The following FRMD5 variants were observed in gnomAD, a reference collection of about 807,000 sequenced individuals.
FRMD5 encodes FERM domain-containing protein 5.
A neutral mutation model predicts 69.0 loss-of-function variants in FRMD5; 20 were observed. The ratio of observed to expected loss-of-function variants is 0.29; its 90% confidence interval spans 0.20 to 0.42. The LOEUF is 0.42. Among genes scored for constraint, FRMD5 ranks in the 10% least tolerant of loss-of-function variants. The pLI, the probability that FRMD5 is intolerant of heterozygous loss-of-function variation, is 1.00. For synonymous variants in FRMD5, 271 were observed against 260.1 expected (o/e 1.04, Z -0.40); for missense variants, 595 against 708.6 (o/e 0.84, Z 1.82).
intron 1 of FRMD5, among the ~76,000 whole-genome samples, chr15:43,944,056 G>C (rs906532622): frequency 1.3e-5 from 2 of 152,122 alleles, no homozygotes; most frequent in Non-Finnish European, 2.9e-5. Flanking sequence ...ATATCCCATC[G>C]GCCACTGCCT....
At chr15:44,076,517 G>A (rs1026951134) in intron 1 of FRMD5, among the ~76,000 whole-genome samples, 10 of 150,114 alleles carry the variant, frequency 6.7e-5, no homozygotes, top group South Asian at 2.1e-4. Context: ...GTAAACTATC[G>A]CAAGAACAAA....
chr15:43,878,400 C>T (rs1254713670), intron 13 of FRMD5, among the ~76,000 whole-genome samples: 1 of 152,200 alleles, frequency 6.6e-6, no homozygotes, highest in Non-Finnish European at 1.5e-5. Context: ...AAATCAACAG[C>T]CAGCATCTAC....
intron 4 of FRMD5, 24 bp from the exon 5 acceptor site, chr15:43,910,003 C>A: frequency 7.5e-7 from 1 of 1,328,036 alleles, no homozygotes; most frequent in Non-Finnish European, 1.1e-6. Flanking sequence ...AGAGAATAAA[C>A]TATAAAGGAT....
chr15:44,047,433 T>C (rs895980901), intron 1 of FRMD5, among the ~76,000 whole-genome samples: 1 of 152,216 alleles, frequency 6.6e-6, no homozygotes, highest in Non-Finnish European at 1.5e-5. Context: ...TGATTTGTCC[T>C]TTAGCTTAAT....
intron 1 of FRMD5, among the ~76,000 whole-genome samples, chr15:43,996,778 A>T (rs1231255897): frequency 7.7e-6 from 1 of 129,902 alleles, no homozygotes; most frequent in Non-Finnish European, 1.5e-5. Flanking sequence ...TTTGCTGCTC[A>T]AAGTGTTCTG....
chr15:44,132,051 G>T (rs190515849), intron 1 of FRMD5, among the ~76,000 whole-genome samples: 1 of 152,260 alleles, frequency 6.6e-6, no homozygotes, highest in Non-Finnish European at 1.5e-5. Flanking sequence ...CCATCTGGGG[G>T]TAATGGGAGA....
chr15:43,966,994 A>C (rs1159114146), intron 1 of FRMD5, among the ~76,000 whole-genome samples: 1 of 152,088 alleles, frequency 6.6e-6, no homozygotes, highest in African/African-American at 2.4e-5. Flanking sequence ...GAAAAGGAAG[A>C]TATTTCAGTT....
intron 1 of FRMD5, among the ~76,000 whole-genome samples, chr15:44,138,665 A>G (rs1421363747): frequency 6.6e-6 from 1 of 152,238 alleles, no homozygotes; most frequent in Non-Finnish European, 1.5e-5. Flanking sequence ...TTCAGAAAGA[A>G]GAGCCCAAAG....
At position 44,056,878 on chromosome 15, in the gene FRMD5, G is replaced by A. The variant is rs532093935; in HGVS notation, c.103-132569C>T. 2.2e-4 allele frequency among the ~76,000 whole-genome samples: 34 copies of A among 152,270 alleles called. No homozygotes were observed. In the South Asian group the frequency reaches 6.8e-3, roughly 31 times the overall value. ...CTGAGGACAACCAGGGACATTGCAG[G>A]AGGGAGGAGGAAATCTTCCCTGTTG... On this transcript the variant is annotated intron_variant, in intron 1 of 13. Coordinates refer to ENST00000417257, the MANE Select transcript of FRMD5 (RefSeq NM_032892.5).
At chr15:44,169,744 T>C (rs1566982746) in intron 1 of FRMD5, among the ~76,000 whole-genome samples, 1 of 152,190 alleles carries the variant, frequency 6.6e-6, no homozygotes, top group South Asian at 2.1e-4. Flanking sequence ...ATGATAGCTA[T>C]TTATATATAA....
chr15:44,043,175 T>C (rs566706536), intron 1 of FRMD5, among the ~76,000 whole-genome samples: 15 of 152,324 alleles, frequency 9.8e-5, no homozygotes, highest in African/African-American at 3.6e-4. Context: ...CCATTCACTA[T>C]TGCTACAAAG....
At chr15:43,906,094 G>A in intron 5 of FRMD5, 143 bp from the exon 6 acceptor site, 1 of 1,060,078 alleles carries the variant, frequency 9.4e-7, no homozygotes, top group Non-Finnish European at 1.4e-6. Context: ...ACGGCTGTGG[G>A]CTGGGCAGAG....
intron 1 of FRMD5, among the ~76,000 whole-genome samples, chr15:44,192,317 C>T (rs1396705172): frequency 1.3e-5 from 2 of 152,120 alleles, no homozygotes; most frequent in African/African-American, 4.8e-5. Flanking sequence ...ATGACTCCAA[C>T]CCAGTGATAC....
At chr15:44,198,353 A>G (rs577388158), upstream of FRMD5, among the ~76,000 whole-genome samples, 13 of 151,422 alleles carry the variant, frequency 8.6e-5, no homozygotes, top group Non-Finnish European at 1.5e-4. Context: ...AGGAATTAAA[A>G]AAAATCACAT....
rs1216816255 is a variant in FRMD5 at position 43,940,519 on chromosome 15, C to A, written c.103-16210G>T. Among the ~76,000 whole-genome samples, 4 of 152,212 alleles carry A rather than the reference C, an allele frequency of 2.6e-5. No homozygotes were observed. In the East Asian group the frequency reaches 7.7e-4, roughly 29 times the overall value. ...CAGGGGTAGTTTGGTGGGAGTGAGA[C>A]CATCATGTCTAGAGCATGTTCTAGG... On this transcript the variant is annotated intron_variant, in intron 1 of 13. Coordinates refer to ENST00000417257, the MANE Select transcript of FRMD5 (RefSeq NM_032892.5).
intron 10 of FRMD5, among the ~76,000 whole-genome samples, chr15:43,886,203 T>C (rs2088659608): frequency 6.6e-6 from 1 of 152,192 alleles, no homozygotes; most frequent in Non-Finnish European, 1.5e-5. Flanking sequence ...AGGGGTCTCC[T>C]TTCCAGTCCC....
At chr15:43,943,095 G>C (rs1466718767) in intron 1 of FRMD5, among the ~76,000 whole-genome samples, 1 of 152,154 alleles carries the variant, frequency 6.6e-6, no homozygotes, top group Non-Finnish European at 1.5e-5. Context: ...TACAAAATTA[G>C]CTGGGTGTGG....
chr15:43,919,363 A>T, intron 4 of FRMD5, 96 bp downstream of exon 4: 1 of 992,814 alleles, frequency 1.0e-6, no homozygotes, highest in Non-Finnish European at 1.6e-6. Flanking sequence ...TCTAAGAGTT[A>T]GGCGCTTCCA....
At chr15:44,182,992 A>G (rs1457714956) in intron 1 of FRMD5, among the ~76,000 whole-genome samples, 13 of 145,614 alleles carry the variant, frequency 8.9e-5, no homozygotes, top group South Asian at 4.4e-4. Flanking sequence ...TAGAGACGGG[A>G]TTTCACCATG....
Sources: gnomAD v4.1 joint callset for allele counts (sites outside exome capture counted in the v4.1 genomes callset) on GRCh38, gnomAD v4.1.1 for gene constraint, MANE v1.5 for transcripts, NCBI Gene and HGNC (gene_info 2026-07-23, HGNC 2026-07-21) for gene names.